The following PCDHA13 variants were observed in gnomAD, a reference collection of about 807,000 sequenced individuals.
PCDHA13 encodes protocadherin alpha 13, also known as protocadherin alpha-13.
A neutral mutation model predicts 64.8 loss-of-function variants in PCDHA13; 54 were observed. That is an observed-to-expected ratio of 0.83 (90% CI 0.67 to 1.04). The LOEUF (loss-of-function observed/expected upper bound fraction) is 1.04, where lower values mean the gene tolerates loss of function less well. Ranked by LOEUF, PCDHA13 falls within the 50% of genes least tolerant of loss-of-function variation. The pLI, the probability that PCDHA13 is intolerant of heterozygous loss-of-function variation, is 0.00. For synonymous variants in PCDHA13, 587 were observed against 564.4 expected (o/e 1.04, Z -0.57); for missense variants, 1,248 against 1,254.3 (o/e 0.99, Z 0.08).
At chr5:140,941,222 T>TCTTC (rs2092907237) in intron 1 of PCDHA13, among the ~76,000 whole-genome samples, 2 of 116,858 alleles carry the variant, frequency 1.7e-5, no homozygotes, top group Non-Finnish European at 3.8e-5. Flanking sequence ...TTCCTTTCTT[T>TCTTC]CTTTCTTTCT....
chr5:140,885,936 T>G (rs994325798), intron 1 of PCDHA13, among the ~76,000 whole-genome samples: 5 of 152,198 alleles, frequency 3.3e-5, no homozygotes, highest in Admixed American at 6.5e-5. Context: ...ATCTATTTTT[T>G]GACATTTTTA....
chr5:140,921,587 A>G (rs970982898), intron 1 of PCDHA13, among the ~76,000 whole-genome samples: 2 of 152,228 alleles, frequency 1.3e-5, no homozygotes, highest in Non-Finnish European at 2.9e-5. Context: ...ATACTATATT[A>G]TGGTTTCAAA....
chr5:141,003,291 G>C (rs1402781511), intron 3 of PCDHA13, among the ~76,000 whole-genome samples: 1 of 152,158 alleles, frequency 6.6e-6, no homozygotes, highest in Non-Finnish European at 1.5e-5. Flanking sequence ...TGGATTATAG[G>C]ATTACATGAA....
At chr5:140,961,214 A>C (rs1406613180) in intron 1 of PCDHA13, among the ~76,000 whole-genome samples, 4 of 152,288 alleles carry the variant, frequency 2.6e-5, no homozygotes, top group East Asian at 3.9e-4. Context: ...ATTGATGAAG[A>C]AACTGGGTCC....
chr5:140,913,955 AT>A (rs2076529735), intron 1 of PCDHA13, among the ~76,000 whole-genome samples: 2 of 152,108 alleles, frequency 1.3e-5, no homozygotes, highest in African/African-American at 2.4e-5. Context: ...ATATGATATC[AT>A]TTTTAAAAAA....
At chr5:140,923,752 G>A (rs1004241488) in intron 1 of PCDHA13, among the ~76,000 whole-genome samples, 1 of 152,186 alleles carries the variant, frequency 6.6e-6, no homozygotes, top group Non-Finnish European at 1.5e-5. Context: ...GAGGCATATG[G>A]TGGGACAAAT....
chr5:140,972,479 C>G (rs782631191), intron 1 of PCDHA13, among the ~76,000 whole-genome samples: 1 of 151,994 alleles, frequency 6.6e-6, no homozygotes, highest in Non-Finnish European at 1.5e-5. Flanking sequence ...CAGCATTTAA[C>G]CCCAGACTCT....
intron 1 of PCDHA13, among the ~76,000 whole-genome samples, chr5:140,911,105 G>A (rs960375597): frequency 3.2e-4 from 48 of 152,082 alleles, no homozygotes; most frequent in African/African-American, 1.2e-3. Flanking sequence ...CTGCCTCAGG[G>A]GAAGCCATCA....
intron 1 of PCDHA13, among the ~76,000 whole-genome samples, chr5:140,901,955 G>A (rs2069015305): frequency 6.6e-6 from 1 of 151,848 alleles, no homozygotes; most frequent in Admixed American, 6.6e-5. Flanking sequence ...TTTTATTCGT[G>A]GCTATCGTAA....
In PCDHA13 at chr5:140,884,314, G is replaced by A; in HGVS notation, c.2046G>A (p.Ala682=). Reference sequence around the variant, plus strand: ...AAGCGCCACAGGCTTCGTCGAGGGCGTCGGCAGGCGCTGTGGGTCCAGAAG... The same window carrying A: ...AAGCGCCACAGGCTTCGTCGAGGGCATCGGCAGGCGCTGTGGGTCCAGAAG... ...SGQAPQASSR[A]SAGAVGPEAA... is the part of the protein sequence containing the mutation. Residue 682 remains alanine (A), a synonymous_variant, in exon 1 of 4, where the codon GCG becomes GCA. Coordinates refer to ENST00000289272, the MANE Select transcript of PCDHA13 (RefSeq NM_018904.3). 1 of 1,613,760 alleles carries A rather than the reference G, an allele frequency of 6.2e-7. No individual in the cohort carries two copies. Among genetic ancestry groups the A allele is most frequent in the Non-Finnish European group, 8.5e-7 (1 of 1,179,836 alleles).
At position 140,889,293 on chromosome 5, in the gene PCDHA13, T is replaced by C. The variant is rs1051889855; in HGVS notation, c.2394+4631T>C. 3.3e-5 allele frequency among the ~76,000 whole-genome samples: 5 copies of C among 152,196 alleles called. No individual in the cohort carries two copies. The South Asian group carries it at 6.2e-4, about 19-fold the overall frequency. The stretch of plus-strand genomic sequence containing the variant: ...ATCTTTGAATTACTTCTTATTTGAT[T>C]GGAGAACTCACTGTTGAAGTTATCT... On this transcript the variant is annotated intron_variant, in intron 1 of 3. Transcript: ENST00000289272.
chr5:140,985,508 A>G (rs2097155357), intron 3 of PCDHA13, among the ~76,000 whole-genome samples: 1 of 152,160 alleles, frequency 6.6e-6, no homozygotes, highest in Admixed American at 6.5e-5. Context: ...CCTTTCATTG[A>G]TTCTGTTGCC....
chr5:141,000,593 A>G (rs1021263998), intron 3 of PCDHA13, among the ~76,000 whole-genome samples: 3 of 150,498 alleles, frequency 2.0e-5, no homozygotes, highest in African/African-American at 4.9e-5. Flanking sequence ...ATGCCCAGCT[A>G]ATTTTTGTAT....
chr5:140,925,124 A>AGGAAGGAAGG (rs1554202565), intron 1 of PCDHA13, among the ~76,000 whole-genome samples: 1 of 151,854 alleles, frequency 6.6e-6, no homozygotes. Flanking sequence ...GAAGGAAGGA[A>AGGAAGGAAGG]AAAAAATTTC....
At chr5:140,904,475 T>C (rs1034610314) in intron 1 of PCDHA13, among the ~76,000 whole-genome samples, 1 of 151,866 alleles carries the variant, frequency 6.6e-6, no homozygotes, top group Non-Finnish European at 1.5e-5. Context: ...TGGTGGCTAT[T>C]TGGTCTGATT....
chr5:140,917,797 C>T (rs1174581148), intron 1 of PCDHA13, among the ~76,000 whole-genome samples: 2 of 151,940 alleles, frequency 1.3e-5, no homozygotes, highest in African/African-American at 4.8e-5. Flanking sequence ...GTTACTGTAG[C>T]CTTGCAGTAT....
intron 1 of PCDHA13, among the ~76,000 whole-genome samples, chr5:140,905,308 T>C (rs1194215404): frequency 1.3e-5 from 2 of 152,120 alleles, no homozygotes; most frequent in African/African-American, 4.8e-5. Flanking sequence ...TTTCCACACT[T>C]TGTGTTTGTA....
At chr5:141,001,726 T>G (rs2098034769) in intron 3 of PCDHA13, among the ~76,000 whole-genome samples, 1 of 152,116 alleles carries the variant, frequency 6.6e-6, no homozygotes, top group Admixed American at 6.6e-5. Flanking sequence ...GCTTGAGATA[T>G]TTTACAACCT....
intron 1 of PCDHA13, among the ~76,000 whole-genome samples, chr5:140,925,907 C>T (rs937426015): frequency 6.6e-6 from 1 of 151,848 alleles, no homozygotes; most frequent in African/African-American, 2.4e-5. Flanking sequence ...TCGTCAAGGG[C>T]CGTTTGCAAA....
Sources: gnomAD v4.1 joint callset for allele counts (sites outside exome capture counted in the v4.1 genomes callset) on GRCh38, gnomAD v4.1.1 for gene constraint, MANE v1.5 for transcripts, NCBI Gene and HGNC (gene_info 2026-07-23, HGNC 2026-07-21) for gene names.